The following DNAH6 variants were observed in gnomAD, a reference collection of about 807,000 sequenced individuals.
DNAH6 encodes the protein dynein axonemal heavy chain 6.
DNAH6 carries 340 observed loss-of-function variants against 491.4 expected under a neutral mutation model. The ratio of observed to expected loss-of-function variants is 0.69; its 90% CI spans 0.63 to 0.76. The LOEUF (loss-of-function observed/expected upper bound fraction) is 0.76. DNAH6 is among the 30% of genes least tolerant of loss of function. The pLI is 0.00. For synonymous variants in DNAH6, 1,603 were observed against 1,686.1 expected, an observed-to-expected ratio of 0.95 and a Z score of 1.21; for missense variants, 4,443 against 4,972.2, an observed-to-expected ratio of 0.89 and a Z score of 3.20.
chr2:84,816,261 G>A (rs1328491813), intron 76 of DNAH6, among the ~76,000 whole-genome samples, 178 bp downstream of exon 76: 3 of 152,120 alleles, frequency 2.0e-5, no homozygotes, highest in Non-Finnish European at 4.4e-5. Context: ...TTTGTTCTGA[G>A]TATAGATTAA....
chr2:84,765,613 G>A (rs1461172828), intron 64 of DNAH6, among the ~76,000 whole-genome samples: 1 of 151,878 alleles, frequency 6.6e-6, no homozygotes, highest in Non-Finnish European at 1.5e-5. Flanking sequence ...ACAAGCAGAG[G>A]AGAAAAAGGA....
the DNAH6 span, among the ~76,000 whole-genome samples, chr2:84,462,240 A>T: frequency 6.6e-6 from 1 of 152,228 alleles, no homozygotes; most frequent in East Asian, 1.9e-4. Context: ...AAAAATGCAG[A>T]TTCACTGAGC....
At chr2:84,784,658 T>C (rs1677008747) in intron 65 of DNAH6, 64 bp from the exon 66 acceptor site, 5 of 985,184 alleles carry the variant, frequency 5.1e-6, no homozygotes, top group South Asian at 2.9e-5. Context: ...TCATGTCTTA[T>C]AGAAAAGTGC....
intron 18 of DNAH6, among the ~76,000 whole-genome samples, chr2:84,602,482 C>CTTTTTTTTTTTTTTT (rs3029846): frequency 1.9e-4 from 6 of 32,026 alleles, no homozygotes; most frequent in African/African-American, 8.4e-4. Context: ...TGTTGTGTCC[C>CTTTTTTTTTTTTTTT]TTTTTTTTTT....
At chr2:84,785,851 G>A (rs1455968403) in intron 67 of DNAH6, 95 bp downstream of exon 67, 5 of 1,264,340 alleles carry the variant, frequency 4.0e-6, no homozygotes, top group Non-Finnish European at 5.2e-6. Context: ...ATGTCATTGT[G>A]AAATGCTGAA....
At chr2:84,503,862 T>C in the DNAH6 span, among the ~76,000 whole-genome samples, 1 of 152,166 alleles carries the variant, frequency 6.6e-6, no homozygotes, top group Non-Finnish European at 1.5e-5. Context: ...GTTTGATTAT[T>C]AAATGCCTTG....
intron 4 of DNAH6, among the ~76,000 whole-genome samples, chr2:84,531,832 T>A (rs1482970473): frequency 6.6e-6 from 1 of 151,754 alleles, no homozygotes; most frequent in Non-Finnish European, 1.5e-5. Flanking sequence ...AGCCCTTCAA[T>A]TAAAAAAAAC....
At chr2:84,573,162 T>G (rs973072857) in intron 11 of DNAH6, among the ~76,000 whole-genome samples, 2 of 152,240 alleles carry the variant, frequency 1.3e-5, no homozygotes, top group Non-Finnish European at 2.9e-5. Flanking sequence ...GCCATATGTT[T>G]ACTAGCAATA....
intron 4 of DNAH6, among the ~76,000 whole-genome samples, 152 bp downstream of exon 4, chr2:84,529,318 T>C (rs188749194): frequency 2.0e-5 from 3 of 152,170 alleles, no homozygotes; most frequent in Non-Finnish European, 1.5e-5. Context: ...AACAATTTTG[T>C]ATTTTTTCAT....
chr2:84,720,143 CTATTTT>C (rs963663286), intron 59 of DNAH6, among the ~76,000 whole-genome samples: 1 of 151,710 alleles, frequency 6.6e-6, no homozygotes, highest in Non-Finnish European at 1.5e-5. Flanking sequence ...AAGGAAATTT[CTATTTT>C]TTCTGCCAGG....
At chr2:84,695,942 G>A (rs1695342359) in intron 46 of DNAH6, among the ~76,000 whole-genome samples, 1 of 151,892 alleles carries the variant, frequency 6.6e-6, no homozygotes, top group African/African-American at 2.4e-5. Context: ...AATCTCAAAT[G>A]TTCTACAATA....
chr2:84,494,888 T>A, the DNAH6 span, among the ~76,000 whole-genome samples: 1 of 152,228 alleles, frequency 6.6e-6, no homozygotes, highest in African/African-American at 2.4e-5. Context: ...ATTCATGAGG[T>A]CTGGAGCAGG....
At chr2:84,746,023 A>C (rs1672948785) in intron 63 of DNAH6, among the ~76,000 whole-genome samples, 1 of 152,188 alleles carries the variant, frequency 6.6e-6, no homozygotes, top group Non-Finnish European at 1.5e-5. Context: ...TATGGCCCCC[A>C]GTTTCTGTTT....
intron 42 of DNAH6, among the ~76,000 whole-genome samples, chr2:84,682,311 TC>T (rs1693861420): frequency 1.3e-5 from 2 of 152,180 alleles, no homozygotes; most frequent in South Asian, 4.1e-4. Flanking sequence ...TCTCCTGGGG[TC>T]CCCCCTCACT....
the DNAH6 span, among the ~76,000 whole-genome samples, chr2:84,510,483 T>C: frequency 2.6e-5 from 4 of 152,222 alleles, no homozygotes; most frequent in African/African-American, 9.6e-5. Flanking sequence ...GTGTAATTTT[T>C]TTTCAATGTT....
the DNAH6 span, among the ~76,000 whole-genome samples, chr2:84,465,464 C>T: frequency 4.0e-5 from 6 of 151,874 alleles, no homozygotes; most frequent in African/African-American, 1.5e-4. Flanking sequence ...CACTGCACTC[C>T]AGCCTGGGCG....
chr2:84,567,539 C>T (rs1681336810), intron 11 of DNAH6, among the ~76,000 whole-genome samples: 1 of 152,122 alleles, frequency 6.6e-6, no homozygotes, highest in Non-Finnish European at 1.5e-5. Flanking sequence ...CAAAAACAAT[C>T]AATGGGGAAA....
intron 42 of DNAH6, 29 bp from the exon 43 acceptor site, chr2:84,685,296 CT>C (rs746753657): frequency 0.023 from 22,968 of 994,672 alleles, 1 homozygote; most frequent in South Asian, 0.048. Context: ...TAGAATTTTT[CT>C]TTTTTTTTTT....
chr2:84,598,154 T>TCTTTCTTTCTTTCTTTCTTG (rs1684837444), intron 18 of DNAH6, among the ~76,000 whole-genome samples: 2 of 64,860 alleles, frequency 3.1e-5, no homozygotes, highest in East Asian at 4.1e-4. Flanking sequence ...TTTCTTTCTT[T>TCTTTCTTTCTTTCTTTCTTG]CTTTCTTTCT....
Sources: allele counts gnomAD v4.1 joint callset (sites outside exome capture counted in the v4.1 genomes callset), GRCh38; gene constraint gnomAD v4.1.1; transcripts MANE v1.5; gene names NCBI Gene and HGNC (gene_info 2026-07-23, HGNC 2026-07-21).